ANKRD44: variants seen among roughly 807,000 people sequenced by gnomAD.
ANKRD44 encodes ankyrin repeat domain 44.
Under a neutral mutation model 116.0 loss-of-function variants are expected in ANKRD44, and 35 were observed. That is an observed-to-expected ratio of 0.30 (90% confidence interval 0.23 to 0.40). The LOEUF (loss-of-function observed/expected upper bound fraction) is 0.40, where lower values mean the gene tolerates loss of function less well. ANKRD44 is among the 10% of genes least tolerant of loss of function. ANKRD44 has a pLI of 1.00. For synonymous variants in ANKRD44, 435 were observed against 461.8 expected (o/e 0.94, Z 0.74); for missense variants, 1,014 against 1,242.6 (o/e 0.82, Z 2.77).
At chr2:197,146,916 C>T (rs1487715960) in intron 3 of ANKRD44, 111 bp downstream of exon 3, 2 of 822,908 alleles carry the variant, frequency 2.4e-6, no homozygotes, top group African/African-American at 3.5e-5. Flanking sequence ...ACATAAACTT[C>T]CATGAACATA....
intron 8 of ANKRD44, among the ~76,000 whole-genome samples, chr2:197,112,032 A>G (rs901201019): frequency 3.3e-5 from 5 of 152,342 alleles, no homozygotes; most frequent in African/African-American, 1.2e-4. Context: ...TCATTATACT[A>G]AATACCAAGA....
intron 9 of ANKRD44, among the ~76,000 whole-genome samples, chr2:197,104,082 T>C (rs945680256): frequency 1.3e-5 from 2 of 152,226 alleles, no homozygotes; most frequent in African/African-American, 4.8e-5. Context: ...ATGAACATAT[T>C]TACAAATAGT....
chr2:197,119,071 A>AT (rs1294305834), intron 8 of ANKRD44, among the ~76,000 whole-genome samples: 1 of 151,816 alleles, frequency 6.6e-6, no homozygotes, highest in Non-Finnish European at 1.5e-5. Context: ...CATATTAACT[A>AT]TTTGCTTATC....
chr2:197,207,435 G>A (rs1259173827), intron 1 of ANKRD44, among the ~76,000 whole-genome samples: 2 of 152,164 alleles, frequency 1.3e-5, no homozygotes, highest in East Asian at 3.8e-4. Flanking sequence ...TTCTCTTTTA[G>A]AGGTGATTTT....
chr2:197,010,950 C>T (rs967397786), intron 18 of ANKRD44, among the ~76,000 whole-genome samples: 1 of 152,194 alleles, frequency 6.6e-6, no homozygotes, highest in Non-Finnish European at 1.5e-5. Flanking sequence ...CATTCATCAA[C>T]AGCACTCAAA....
At position 197,270,709 on chromosome 2, in the gene ANKRD44, G is replaced by A. The variant is rs142438903; in HGVS notation, c.27+39869C>T. ...AAAGTCAGGGAAAGGGAGAGCTGGA[G>A]ACGAGGAAGCTGTAGCACTGGAGCT... On this transcript the variant is annotated intron_variant, in intron 1 of 27. Coordinates refer to ENST00000282272, the MANE Select transcript of ANKRD44 (RefSeq NM_001195144.2). Among the ~76,000 whole-genome samples the A allele has an allele frequency of 4.3e-4, 66 of 152,344 alleles. No individual in the cohort carries two copies. The East Asian group carries it at 0.011, about 26-fold the overall frequency.
At chr2:197,216,704 T>G (rs2081452036) in intron 1 of ANKRD44, among the ~76,000 whole-genome samples, 1 of 152,114 alleles carries the variant, frequency 6.6e-6, no homozygotes. Flanking sequence ...ACTTTCCATT[T>G]TGCACTAACA....
intron 1 of ANKRD44, among the ~76,000 whole-genome samples, chr2:197,293,638 G>C (rs532835350): frequency 1.3e-5 from 2 of 152,296 alleles, no homozygotes; most frequent in East Asian, 3.9e-4. Flanking sequence ...GCATGGGAAA[G>C]CCTTAGTATT....
At chr2:197,244,604 G>A (rs146342806) in intron 1 of ANKRD44, among the ~76,000 whole-genome samples, 1 of 152,184 alleles carries the variant, frequency 6.6e-6, no homozygotes, top group Non-Finnish European at 1.5e-5. Flanking sequence ...TGAAACTGTT[G>A]CAGGGGAGAT....
intron 1 of ANKRD44, among the ~76,000 whole-genome samples, chr2:197,208,384 C>G (rs943778316): frequency 6.6e-6 from 1 of 152,200 alleles, no homozygotes; most frequent in African/African-American, 2.4e-5. Flanking sequence ...AGCAAAACTT[C>G]TAGAAAGAGC....
chr2:196,975,541 C>T lies in ANKRD44; in HGVS notation c.2369-8095G>A, dbSNP rs536164842. Among the ~76,000 whole-genome samples, 9 of 151,466 alleles carry T rather than the reference C, an allele frequency of 5.9e-5. No homozygotes were observed. In the South Asian group the frequency reaches 1.0e-3, roughly 18 times the overall value. ...GCTCACGCCTGTGATCCCAGCACTT[C>T]GGGAGGCCGAGGTAGGTGGATCACG... On this transcript the variant is annotated intron_variant, in intron 21 of 21. Coordinates refer to the ANKRD44 transcript ENST00000424317.
chr2:197,086,714 CGCTGCTCT>C lies in ANKRD44; in HGVS notation c.1274_1281del (p.Gln425ArgfsTer6). ...TTGTCCTTTTTATGGAAATCTGCTCCGCTGCTCTGCAAGAGTTTTATACATTCCACATT... is the reference window on the plus strand; with the variant it reads ...TTGTCCTTTTTATGGAAATCTGCTCCGCAAGAGTTTTATACATTCCACATT... On this transcript the variant is annotated frameshift_variant, in exon 13 of 28. Transcript: ENST00000282272. LOFTEE classifies it high-confidence loss of function. 1 of 1,613,860 alleles carries C rather than the reference CGCTGCTCT, an allele frequency of 6.2e-7. No homozygotes were observed. The highest frequency in any genetic ancestry group is 8.5e-7 in the Non-Finnish European group (1 of 1,179,860).
intron 1 of ANKRD44, among the ~76,000 whole-genome samples, chr2:197,260,291 T>C (rs562458875): frequency 6.6e-6 from 1 of 152,182 alleles, no homozygotes; most frequent in East Asian, 1.9e-4. Context: ...TGTCCATGTG[T>C]TCTCATTGTT....
intron 17 of ANKRD44, among the ~76,000 whole-genome samples, chr2:197,014,740 C>A (rs1197046713): frequency 2.6e-5 from 4 of 151,378 alleles, no homozygotes; most frequent in East Asian, 1.9e-4. Context: ...GCTATTATCA[C>A]GACTCTGCAC....
At chr2:197,183,889 A>G (rs1171788088) in intron 2 of ANKRD44, among the ~76,000 whole-genome samples, 4 of 152,158 alleles carry the variant, frequency 2.6e-5, no homozygotes, top group African/African-American at 9.7e-5. Flanking sequence ...GCAAATTCCT[A>G]TATATCTCTC....
At chr2:197,091,961 C>G (rs1405666092) in intron 10 of ANKRD44, among the ~76,000 whole-genome samples, 1 of 152,082 alleles carries the variant, frequency 6.6e-6, no homozygotes, top group Non-Finnish European at 1.5e-5. Context: ...AGACCGACCC[C>G]CACTAAGACA....
chr2:197,035,970 A>C (rs185018096), intron 16 of ANKRD44, among the ~76,000 whole-genome samples: 1 of 152,208 alleles, frequency 6.6e-6, no homozygotes, highest in African/African-American at 2.4e-5. Flanking sequence ...GTCTTTCTGC[A>C]TATCCACAAA....
At chr2:197,169,094 T>C (rs1019787532) in intron 2 of ANKRD44, among the ~76,000 whole-genome samples, 1 of 151,690 alleles carries the variant, frequency 6.6e-6, no homozygotes, top group Admixed American at 6.6e-5. Flanking sequence ...TCTACCACCT[T>C]CCCCCTCCTT....
chr2:197,124,251 A>G (rs2078926372), intron 6 of ANKRD44, among the ~76,000 whole-genome samples: 1 of 152,140 alleles, frequency 6.6e-6, no homozygotes, highest in Non-Finnish European at 1.5e-5. Flanking sequence ...CTTTAGCCAC[A>G]TAATTTATTT....
Sources: gnomAD v4.1 joint callset for allele counts (sites outside exome capture counted in the v4.1 genomes callset) on GRCh38, gnomAD v4.1.1 for gene constraint, MANE v1.5 for transcripts, NCBI Gene and HGNC (gene_info 2026-07-23, HGNC 2026-07-21) for gene names.